The following TEAD1 variants were observed in gnomAD, a reference collection of about 807,000 sequenced individuals.
TEAD1 encodes TEA domain transcription factor 1.
Under a neutral mutation model 54.9 loss-of-function variants are expected in TEAD1, and 9 were observed. The observed-to-expected ratio is 0.16, with a 90% CI of 0.10 to 0.29. The LOEUF (loss-of-function observed/expected upper bound fraction) is 0.29. Among genes scored for constraint, TEAD1 ranks in the 10% least tolerant of loss-of-function variants. The pLI is 1.00. For synonymous variants in TEAD1, 200 were observed against 187.8 expected, an observed-to-expected ratio of 1.07 and a Z score of -0.53; for missense variants, 387 against 535.9, an observed-to-expected ratio of 0.72 and a Z score of 2.74.
chr11:12,864,666 C>A, intron 4 of TEAD1, 172 bp from the exon 5 acceptor site: 1 of 1,119,366 alleles, frequency 8.9e-7, no homozygotes, highest in Non-Finnish European at 1.2e-6. Context: ...TGTTTCCCCT[C>A]ATAAACCCGA....
intron 2 of TEAD1, among the ~76,000 whole-genome samples, chr11:12,679,275 A>G (rs1050252691): frequency 2.6e-5 from 4 of 152,122 alleles, no homozygotes; most frequent in Non-Finnish European, 5.9e-5. Flanking sequence ...TCCTAATGCA[A>G]TGCTTTCTAT....
intron 5 of TEAD1, chr11:12,879,357 A>AT (rs1230377066): frequency 1.5e-3 from 787 of 535,670 alleles, no homozygotes; most frequent in Middle Eastern, 2.6e-3. Context: ...CAGGGCCTTT[A>AT]TTTTTTTTTC....
In TEAD1 at chr11:12,726,716, G is replaced by C. The variant is rs559629254; in HGVS notation, c.-54-37463G>C. On this transcript the variant is annotated intron_variant, in intron 2 of 12. Coordinates refer to ENST00000527636, the MANE Select transcript of TEAD1 (RefSeq NM_021961.6). Reference sequence around the variant, plus strand: ...CAAAAAATACAAAAATTAACCAGGCGTGGTGGCATGCGCCTGTAGTCCCAG... The same window carrying C: ...CAAAAAATACAAAAATTAACCAGGCCTGGTGGCATGCGCCTGTAGTCCCAG... 8.7e-4 allele frequency among the ~76,000 whole-genome samples: 133 copies of C among 152,220 alleles called. 1 individual carries two copies. Among genetic ancestry groups the C allele is most frequent in the Non-Finnish European group, 1.4e-3 (97 of 68,022 alleles).
At chr11:12,788,605 T>C (rs1039911395) in intron 3 of TEAD1, among the ~76,000 whole-genome samples, 1 of 152,148 alleles carries the variant, frequency 6.6e-6, no homozygotes, top group Non-Finnish European at 1.5e-5. Context: ...ACATTCCAAA[T>C]ATGAAAATGT....
intron 3 of TEAD1, among the ~76,000 whole-genome samples, chr11:12,773,678 T>C (rs891578287): frequency 2.0e-5 from 3 of 152,262 alleles, no homozygotes; most frequent in African/African-American, 7.2e-5. Context: ...TTTTTGGATA[T>C]GTGGTTTGCA....
chr11:12,791,993 A>G (rs186020074), intron 3 of TEAD1, among the ~76,000 whole-genome samples: 2 of 152,338 alleles, frequency 1.3e-5, no homozygotes, highest in Admixed American at 1.3e-4. Context: ...CTACACATGA[A>G]CACTAATCTT....
chr11:12,737,163 A>AG (rs1327308449), intron 2 of TEAD1, among the ~76,000 whole-genome samples: 2 of 152,164 alleles, frequency 1.3e-5, no homozygotes, highest in African/African-American at 4.8e-5. Context: ...AGGCCTAGGT[A>AG]GGGGGAAAAA....
Position 12,881,780 on chromosome 11 carries a change from A to T in TEAD1, c.513-116A>T, listed in dbSNP as rs1191987209. On this transcript the variant is annotated intron_variant, in intron 7 of 12. Coordinates refer to ENST00000527636, the MANE Select transcript of TEAD1 (RefSeq NM_021961.6). ...CTGCCTGGGGTGTGCTACCACCTGC[A>T]GGCAGGGACCACAGCGGTGAAGGAC... 3 of 1,034,248 alleles carry T rather than the reference A, an allele frequency of 2.9e-6. No individual in the cohort carries two copies. In the African/African-American group the frequency reaches 4.7e-5, roughly 16 times the overall value. The allele number at this position is 1,034,248 out of a possible 1,614,324, so 64.1% of individuals were successfully genotyped here.
intron 2 of TEAD1, among the ~76,000 whole-genome samples, chr11:12,727,400 C>T (rs528859070): frequency 6.4e-4 from 98 of 152,244 alleles, no homozygotes; most frequent in African/African-American, 2.3e-3. Context: ...CCTGTGGGCC[C>T]TGGGGCATAG....
At position 12,797,613 on chromosome 11, in the gene TEAD1, T is replaced by C. The variant is rs1368898761; in HGVS notation, c.202+33179T>C. Among the ~76,000 whole-genome samples the C allele has an allele frequency of 2.0e-5, 3 of 151,950 alleles. No homozygotes were observed. In the East Asian group the frequency reaches 5.8e-4, roughly 29 times the overall value. ...TCCTCTTCCTGACTCCACTAAGTAGTGGTTATCTTTAAGGTTTTATTTATC... is the reference window on the plus strand; with the variant it reads ...TCCTCTTCCTGACTCCACTAAGTAGCGGTTATCTTTAAGGTTTTATTTATC... On this transcript the variant is annotated intron_variant, in intron 3 of 12. Transcript: ENST00000527636.
At chr11:12,861,272 A>C (rs1564967255) in intron 3 of TEAD1, among the ~76,000 whole-genome samples, 1 of 152,146 alleles carries the variant, frequency 6.6e-6, no homozygotes, top group Non-Finnish European at 1.5e-5. Context: ...TGGTTTTCTG[A>C]AGTCAGGTTG....
chr11:12,782,827 G>A (rs192433523), intron 3 of TEAD1, among the ~76,000 whole-genome samples: 2 of 152,306 alleles, frequency 1.3e-5, no homozygotes, highest in Non-Finnish European at 1.5e-5. Context: ...CAGATACCAG[G>A]TGAGGGAGAA....
intron 3 of TEAD1, among the ~76,000 whole-genome samples, chr11:12,826,004 G>A (rs775104873): frequency 5.3e-5 from 8 of 152,138 alleles, no homozygotes; most frequent in African/African-American, 7.2e-5. Context: ...TACCGCACAC[G>A]GTACATAGAA....
At chr11:12,904,555 A>G (rs1948484463) in intron 10 of TEAD1, among the ~76,000 whole-genome samples, 1 of 152,200 alleles carries the variant, frequency 6.6e-6, no homozygotes, top group East Asian at 1.9e-4. Context: ...GACTTTTGAT[A>G]TAGTATCAAA....
intron 3 of TEAD1, among the ~76,000 whole-genome samples, chr11:12,832,300 T>G (rs890525067): frequency 1.3e-5 from 2 of 152,208 alleles, no homozygotes; most frequent in African/African-American, 2.4e-5. Flanking sequence ...AGACGGTTGT[T>G]CAGTTAATCC....
intron 3 of TEAD1, chr11:12,822,372 T>G (rs1946570006): frequency 6.6e-6 from 1 of 152,220 alleles, no homozygotes; most frequent in African/African-American, 2.4e-5. Context: ...ATAATTATTT[T>G]GAAGGAACCA....
chr11:12,839,646 A>ATGCCAGAATGTG (rs1256380739), intron 3 of TEAD1, among the ~76,000 whole-genome samples: 1 of 152,182 alleles, frequency 6.6e-6, no homozygotes, highest in African/African-American at 2.4e-5. Flanking sequence ...GAAAGAAGTG[A>ATGCCAGAATGTG]TGCCAGAATG....
chr11:12,797,313 G>A (rs1945952995), intron 3 of TEAD1, among the ~76,000 whole-genome samples: 1 of 152,112 alleles, frequency 6.6e-6, no homozygotes, highest in Admixed American at 6.5e-5. Flanking sequence ...TGATCTTTTG[G>A]ACAATCACAG....
At chr11:12,889,804 C>G (rs924400073) in intron 9 of TEAD1, among the ~76,000 whole-genome samples, 17 of 152,108 alleles carry the variant, frequency 1.1e-4, no homozygotes, top group African/African-American at 4.1e-4. Context: ...TGACTGCAGC[C>G]TCGACCTCCC....
Sources: allele counts gnomAD v4.1 joint callset (sites outside exome capture counted in the v4.1 genomes callset), GRCh38; gene constraint gnomAD v4.1.1; transcripts MANE v1.5; gene names NCBI Gene and HGNC (gene_info 2026-07-23, HGNC 2026-07-21).